PTPN14: variants seen among roughly 807,000 people sequenced by gnomAD.
PTPN14 encodes tyrosine-protein phosphatase non-receptor type 14.
A neutral mutation model predicts 126.8 loss-of-function variants in PTPN14; 53 were observed. The observed-to-expected ratio is 0.42, with a 90% CI of 0.34 to 0.53. The LOEUF is 0.53. PTPN14 is among the 20% of genes least tolerant of loss of function. PTPN14 has a pLI of 0.08. For missense variants in PTPN14, 1,257 were observed against 1,552.9 expected, an observed-to-expected ratio of 0.81 and a Z score of 3.20; for synonymous variants, 630 against 599.3, an observed-to-expected ratio of 1.05 and a Z score of -0.75.
chr1:214,491,034 G>GAAGA (rs201746940), intron 1 of PTPN14, among the ~76,000 whole-genome samples: 53 of 145,976 alleles, frequency 3.6e-4, no homozygotes, highest in Middle Eastern at 3.5e-3. Context: ...AGGAAGGAAG[G>GAAGA]AAGAAAGAAA....
intron 1 of PTPN14, among the ~76,000 whole-genome samples, chr1:214,514,596 G>A (rs1476377548): frequency 6.6e-6 from 1 of 151,962 alleles, no homozygotes; most frequent in Non-Finnish European, 1.5e-5. Context: ...CCCCTCGATG[G>A]TGCTGGTGCC....
At chr1:214,380,410 GAT>G (rs1658445358) in intron 13 of PTPN14, among the ~76,000 whole-genome samples, 1 of 152,034 alleles carries the variant, frequency 6.6e-6, no homozygotes, top group Non-Finnish European at 1.5e-5. Flanking sequence ...TGTTACCAGA[GAT>G]AAAAAAAATA....
intron 1 of PTPN14, among the ~76,000 whole-genome samples, chr1:214,472,977 G>A (rs993715134): frequency 1.1e-4 from 17 of 152,170 alleles, no homozygotes; most frequent in Non-Finnish European, 1.6e-4. Flanking sequence ...CATCTTAAAG[G>A]TCTTTTATAT....
chr1:214,360,313 C>T (rs922752419), intron 18 of PTPN14, among the ~76,000 whole-genome samples: 10 of 152,012 alleles, frequency 6.6e-5, no homozygotes, highest in East Asian at 1.9e-4. Context: ...AAACTTGCGA[C>T]GTTGCCTGGG....
intron 1 of PTPN14, among the ~76,000 whole-genome samples, chr1:214,539,905 C>T (rs1655795207): frequency 6.6e-6 from 1 of 152,186 alleles, no homozygotes; most frequent in Non-Finnish European, 1.5e-5. Flanking sequence ...AGAAGCACTG[C>T]ACAAATCATC....
intron 1 of PTPN14, among the ~76,000 whole-genome samples, chr1:214,481,511 CAAAAAAAAA>C (rs371949252): frequency 4.4e-5 from 3 of 67,456 alleles, no homozygotes; most frequent in African/African-American, 6.8e-5. Flanking sequence ...AACTCCCGCT[CAAAAAAAAA>C]AAAAAAAAAA....
chr1:214,413,181 G>A (rs1477983881), intron 4 of PTPN14, among the ~76,000 whole-genome samples: 3 of 152,046 alleles, frequency 2.0e-5, no homozygotes, highest in Non-Finnish European at 4.4e-5. Flanking sequence ...CCAGCCCAAC[G>A]AAAGCTTTTT....
At chr1:214,360,036 A>G (rs1216479299) in intron 18 of PTPN14, among the ~76,000 whole-genome samples, 1 of 152,038 alleles carries the variant, frequency 6.6e-6, no homozygotes, top group Non-Finnish European at 1.5e-5. Context: ...CGGCTGGAGC[A>G]CCCCTGAGCT....
intron 7 of PTPN14, among the ~76,000 whole-genome samples, chr1:214,400,687 G>GT (rs1292947626): frequency 6.6e-6 from 1 of 152,232 alleles, no homozygotes; most frequent in Non-Finnish European, 1.5e-5. Flanking sequence ...CTGCAGAAAT[G>GT]TAAGTGGGAT....
intron 8 of PTPN14, among the ~76,000 whole-genome samples, chr1:214,397,378 T>C (rs1183866337): frequency 1.3e-5 from 2 of 152,196 alleles, no homozygotes; most frequent in Non-Finnish European, 2.9e-5. Flanking sequence ...AAAGCAAGCA[T>C]ACTGACATGA....
intron 13 of PTPN14, among the ~76,000 whole-genome samples, chr1:214,381,546 TG>T (rs1220188360): frequency 6.6e-6 from 1 of 152,238 alleles, no homozygotes; most frequent in East Asian, 1.9e-4. Context: ...ACTACTCTAG[TG>T]GGGCTGGCCA....
At position 214,357,748 on chromosome 1, in the gene PTPN14, TATCTC is replaced by T. The variant is rs1657857134; in HGVS notation, c.*169_*173del. On this transcript the variant is annotated 3_prime_UTR_variant, in exon 19 of 19. Coordinates refer to ENST00000366956, the MANE Select transcript of PTPN14 (RefSeq NM_005401.5). ...TATTCCAAAGGGGAAAAAAATAAAT[TATCTC>T]ATATAAAATAATACATGGTATGTGT... 1 of 509,654 alleles carries T rather than the reference TATCTC, an allele frequency of 2.0e-6. No homozygotes were observed. Among genetic ancestry groups the T allele is most frequent in the African/African-American group, 1.9e-5 (1 of 52,210 alleles). The allele number at this position is 509,654 out of a possible 1,614,324, so 31.6% of individuals were successfully genotyped here. A position where few individuals can be genotyped will look rare whatever the true frequency, so the allele number is the denominator to read the frequency against.
chr1:214,432,324 A>G (rs191635805), intron 3 of PTPN14, among the ~76,000 whole-genome samples: 2 of 152,086 alleles, frequency 1.3e-5, no homozygotes, highest in Admixed American at 1.3e-4. Context: ...CAAATTCAAT[A>G]CAGAAAGAAA....
chr1:214,448,466 G>T (rs1161452123), intron 3 of PTPN14, among the ~76,000 whole-genome samples: 1 of 148,820 alleles, frequency 6.7e-6, no homozygotes, highest in South Asian at 2.1e-4. Flanking sequence ...GGATGGTCTC[G>T]ATCTCCTGAC....
chr1:214,451,669 C>T (rs1297922321), intron 3 of PTPN14, 136 bp downstream of exon 3: 64 of 1,010,582 alleles, frequency 6.3e-5, no homozygotes, highest in South Asian at 3.2e-4. Context: ...CAACCCCCAA[C>T]TATTTTACCC....
At position 214,369,647 on chromosome 1, in the gene PTPN14, AC is replaced by A; in HGVS notation, c.3080del (p.Gly1027ValfsTer30). On this transcript the variant is annotated frameshift_variant, in exon 17 of 19. Coordinates refer to ENST00000366956, the MANE Select transcript of PTPN14 (RefSeq NM_005401.5). LOFTEE classifies it high-confidence loss of function. The part of the protein sequence containing the change: ...TKSHRYWPKL[G>X]SKHSSATYGK... ...CATAGGTGGCTGAGCTGTGCTTTGA[AC>A]CTAGTTTGGGCCAGTATCGGTGGCT... 1 of 1,614,058 alleles carries A rather than the reference AC, an allele frequency of 6.2e-7. No homozygotes were observed. The highest frequency in any genetic ancestry group is 8.5e-7 in the Non-Finnish European group (1 of 1,180,004).
chr1:214,383,565 G>GAGCC lies in PTPN14; in HGVS notation c.2286_2289dup (p.Leu764GlyfsTer33). ...GGAAGGCTGGCTTGGTCCTGCCTCAGAGCCCCATTGCTCACACTCTTCCTT... is the reference window on the plus strand; with the variant it reads ...GGAAGGCTGGCTTGGTCCTGCCTCAGAGCCAGCCCCATTGCTCACACTCTTCCTT... On this transcript the variant is annotated frameshift_variant, in exon 13 of 19. Transcript: ENST00000366956. LOFTEE classifies it high-confidence loss of function. The surrounding 1 kb of genome is among the most constrained non-coding windows in gnomAD (Gnocchi z 4.4). 1 of 1,613,846 alleles carries GAGCC rather than the reference G, an allele frequency of 6.2e-7. No homozygotes were observed. Among genetic ancestry groups the GAGCC allele is most frequent in the Admixed American group, 1.7e-5 (1 of 60,028 alleles).
chr1:214,441,410 G>A (rs774653712), intron 3 of PTPN14, among the ~76,000 whole-genome samples: 4 of 152,140 alleles, frequency 2.6e-5, no homozygotes, highest in African/African-American at 4.8e-5. Flanking sequence ...AGATTCTGCT[G>A]CTGCTCAGAC....
At chr1:214,391,142 G>A in intron 10 of PTPN14, 97 bp from the exon 11 acceptor site, 1 of 794,230 alleles carries the variant, frequency 1.3e-6, no homozygotes, top group Admixed American at 3.3e-5. Context: ...AACAAGACTG[G>A]TAATCGTTAT....
Sources: gnomAD v4.1 joint callset for allele counts (sites outside exome capture counted in the v4.1 genomes callset) on GRCh38, gnomAD v4.1.1 for gene constraint, Gnocchi (gnomAD v3.1) non-coding constraint, MANE v1.5 for transcripts, NCBI Gene and HGNC (gene_info 2026-07-23, HGNC 2026-07-21) for gene names.